The following APBA2 variants were observed in gnomAD, a reference collection of about 807,000 sequenced individuals.
APBA2 encodes the protein amyloid beta precursor protein binding family A member 2, also known as amyloid-beta A4 precursor protein-binding family A member 2.
Under a neutral mutation model 75.0 loss-of-function variants are expected in APBA2, and 30 were observed. The ratio of observed to expected loss-of-function variants is 0.40; its 90% CI spans 0.30 to 0.54. The LOEUF is 0.54. Ranked by LOEUF, APBA2 falls within the 20% of genes least tolerant of loss-of-function variation. APBA2 has a pLI of 0.49. For synonymous variants in APBA2, 444 were observed against 409.6 expected, an observed-to-expected ratio of 1.08 and a Z score of -1.01; for missense variants, 801 against 1,016.1, an observed-to-expected ratio of 0.79 and a Z score of 2.88.
At chr15:29,042,422 G>GC (rs2041094199) in intron 3 of APBA2, among the ~76,000 whole-genome samples, 1 of 152,108 alleles carries the variant, frequency 6.6e-6, no homozygotes, top group Non-Finnish European at 1.5e-5. Flanking sequence ...ACAAGTGCAT[G>GC]CCACCACGTG....
At chr15:29,093,310 C>G in intron 7 of APBA2, 90 bp downstream of exon 7, 1 of 1,535,724 alleles carries the variant, frequency 6.5e-7, no homozygotes, top group Non-Finnish European at 8.8e-7. Context: ...GGCCCTCTTC[C>G]AGCTCGGACT....
intron 4 of APBA2, among the ~76,000 whole-genome samples, chr15:29,065,163 G>A (rs933638416): frequency 1.3e-5 from 2 of 152,178 alleles, no homozygotes; most frequent in South Asian, 2.1e-4. Flanking sequence ...TTGAGGCCCC[G>A]TACCTCCCGT....
chr15:29,027,642 G>A (rs1468010231), intron 3 of APBA2, among the ~76,000 whole-genome samples: 2 of 147,648 alleles, frequency 1.4e-5, no homozygotes, highest in East Asian at 2.0e-4. Context: ...TTGCTCTGTT[G>A]CCCAGGCTGG....
chr15:29,101,784 T>G lies in APBA2; in HGVS notation c.1524T>G (p.Asp508Glu). The change falls in exon 10 of 15, where the codon GAT (aspartate) becomes GAG (glutamate). Residue 508 changes from aspartate to glutamate, a missense_variant and splice_region_variant. By Grantham distance (45) the Asp-to-Glu change is conservative. This residue lies in a region of APBA2 where 367 missense variants were observed against 544.5 expected (regional missense o/e 0.67). Coordinates refer to ENST00000683413, the MANE Select transcript of APBA2 (RefSeq NM_001353788.2). ...KMICHVFESE[D>E]AQLIAQSIGQ... The stretch of plus-strand genomic sequence containing the variant: ...TCTGCCATGTGTTCGAGTCGGAGGA[T>G]GTAAGTAAGCCCTTGCCAGGGCACT... 6.2e-7 allele frequency: 1 copy of G among 1,613,010 alleles called. No individual in the cohort carries two copies. The highest frequency in any genetic ancestry group is 8.5e-7 in the Non-Finnish European group (1 of 1,179,834).
rs1165986782 is a variant in APBA2, at chr15:28,924,009, C to T, written c.-95+2260C>T. Among the ~76,000 whole-genome samples, 6 of 152,328 alleles carry T rather than the reference C, an allele frequency of 3.9e-5. No homozygotes were observed. In the East Asian group the frequency reaches 5.8e-4, roughly 15 times the overall value. On this transcript the variant is annotated intron_variant, in intron 2 of 14. Transcript: ENST00000683413. ...AAGATGCAGAAAGGCTGTGACCCCA[C>T]CTCTAAAAGCCAGCGGTCAACCTGG...
chr15:28,896,571 G>A (rs562553114), intron 1 of APBA2, among the ~76,000 whole-genome samples: 44 of 152,260 alleles, frequency 2.9e-4, no homozygotes, highest in South Asian at 1.0e-3. Flanking sequence ...GAGCCACCGC[G>A]CCTGGCCTCT....
intron 3 of APBA2, among the ~76,000 whole-genome samples, chr15:29,049,620 G>A (rs565891110): frequency 9.9e-5 from 15 of 152,274 alleles, no homozygotes; most frequent in Admixed American, 2.6e-4. Context: ...CAACAGTGAA[G>A]TCCCAGATGA....
At chr15:28,972,416 C>A (rs1333708358) in intron 2 of APBA2, among the ~76,000 whole-genome samples, 1 of 152,156 alleles carries the variant, frequency 6.6e-6, no homozygotes, top group Non-Finnish European at 1.5e-5. Context: ...AGACTAAATT[C>A]TAAAGATAAA....
intron 1 of APBA2, among the ~76,000 whole-genome samples, chr15:28,907,657 C>T (rs1566788462): frequency 6.6e-6 from 1 of 152,194 alleles, no homozygotes; most frequent in South Asian, 2.1e-4. Context: ...ATTGATCAAC[C>T]TCAGGATCAA....
In APBA2 at chr15:29,054,119, A is replaced by C; in HGVS notation, c.235A>C (p.Asn79His). The part of the protein sequence containing the change: ...DGDSSSDYVN[N>H]TSEEEDYDEG... ...GGACTCCAGCTCTGACTACGTGAAC[A>C]ACACCTCTGAGGAGGAGGACTATGA... Residue 79 changes from asparagine (N) to histidine (H), a missense_variant, in exon 4 of 15, where the codon AAC becomes CAC. By Grantham distance (68) the Asn-to-His change is moderately conservative. This residue lies in a region of APBA2 where 434 missense variants were observed against 471.6 expected (regional missense o/e 0.92). Transcript: ENST00000683413. This position sits in a 1 kb window ranked among gnomAD's most constrained non-coding sequence, Gnocchi z 6.1. 1.9e-6 allele frequency: 3 copies of C among 1,614,170 alleles called. 1 individual carries two copies. The highest frequency in any genetic ancestry group is 2.2e-5 in the South Asian group (2 of 91,078).
chr15:29,023,008 A>G (rs1259382105), intron 3 of APBA2, among the ~76,000 whole-genome samples: 1 of 152,084 alleles, frequency 6.6e-6, no homozygotes, highest in Non-Finnish European at 1.5e-5. Context: ...GCTGGTGCTT[A>G]GGAGAGCCAT....
chr15:29,051,911 CT>C (rs955387346), intron 3 of APBA2, among the ~76,000 whole-genome samples: 1 of 152,208 alleles, frequency 6.6e-6, no homozygotes, highest in Non-Finnish European at 1.5e-5. Flanking sequence ...AAGGTCCTCA[CT>C]GAGCCACTTC....
intron 8 of APBA2, among the ~76,000 whole-genome samples, chr15:29,096,963 C>T (rs1231915102): frequency 6.6e-6 from 1 of 152,190 alleles, no homozygotes; most frequent in Non-Finnish European, 1.5e-5. Flanking sequence ...GTTCACTCAG[C>T]TCAGAAGAGC....
intron 2 of APBA2, 147 bp from the exon 3 acceptor site, chr15:28,995,606 A>T (rs943728780): frequency 6.6e-6 from 1 of 152,198 alleles, no homozygotes; most frequent in Non-Finnish European, 1.5e-5. Flanking sequence ...ATTTCTGATT[A>T]TCTCATTAGA....
At chr15:28,970,160 G>A (rs571616481) in intron 2 of APBA2, 1 of 152,248 alleles carries the variant, frequency 6.6e-6, no homozygotes, top group East Asian at 1.9e-4. Flanking sequence ...AGGTGCGTGT[G>A]CCAGTGGTTC....
intron 3 of APBA2, among the ~76,000 whole-genome samples, chr15:28,997,925 C>A (rs1043854100): frequency 6.6e-6 from 1 of 152,234 alleles, no homozygotes; most frequent in African/African-American, 2.4e-5. Context: ...TTCTCTGCAG[C>A]TTCCCAGCAG....
At chr15:28,947,957 C>T (rs993312255) in intron 2 of APBA2, among the ~76,000 whole-genome samples, 3 of 152,172 alleles carry the variant, frequency 2.0e-5, no homozygotes, top group Admixed American at 1.3e-4. Flanking sequence ...CAAACAATCC[C>T]TCGTGTTAGG....
At chr15:28,920,418 C>T (rs2033912981) in intron 1 of APBA2, among the ~76,000 whole-genome samples, 2 of 152,204 alleles carry the variant, frequency 1.3e-5, no homozygotes, top group African/African-American at 2.4e-5. Flanking sequence ...GAGGCAATGG[C>T]CTTGTCATGC....
chr15:28,976,086 T>C (rs1179845401), intron 2 of APBA2, among the ~76,000 whole-genome samples: 3 of 152,232 alleles, frequency 2.0e-5, no homozygotes, highest in Non-Finnish European at 4.4e-5. Context: ...ACAGATATGT[T>C]TCTATAGAGG....
Sources: allele counts gnomAD v4.1 joint callset (sites outside exome capture counted in the v4.1 genomes callset), GRCh38; gene constraint gnomAD v4.1.1; regional missense constraint gnomAD v4.1.1; non-coding constraint Gnocchi (gnomAD v3.1); transcripts MANE v1.5; gene names NCBI Gene and HGNC (gene_info 2026-07-23, HGNC 2026-07-21).